The following RRP1 variants were observed in gnomAD, a reference collection of about 807,000 sequenced individuals.
RRP1 encodes the protein ribosomal RNA processing 1.
RRP1 carries 37 observed loss-of-function variants against 54.6 expected under a neutral mutation model. That is an observed-to-expected ratio of 0.68 (90% CI 0.52 to 0.89). The LOEUF is 0.89. Among genes scored for constraint, RRP1 ranks in the 40% least tolerant of loss-of-function variants. The pLI is 0.00. For synonymous variants in RRP1, 262 were observed against 244.3 expected, an observed-to-expected ratio of 1.07 and a Z score of -0.67; for missense variants, 639 against 612.5, an observed-to-expected ratio of 1.04 and a Z score of -0.46.
chr21:43,792,745 T>C lies in RRP1; in HGVS notation c.274+16T>C, dbSNP rs2073431. On this transcript the variant is annotated intron_variant, in intron 3 of 12. Transcript: ENST00000497547. ...ACGGAGGCGCGTGAGTATGCTCTGC[T>C]GTAGTTGGGTGCATTTGTAGATGTC... 109,043 of 1,613,212 alleles carry C rather than the reference T, an allele frequency of 0.068. 4,426 individuals are homozygous for C. Among genetic ancestry groups the C allele is most frequent in the South Asian group, 0.15 (13,268 of 91,034 alleles).
chr21:43,803,828 G>T lies in RRP1; in HGVS notation c.*54G>T. 2.0e-6 allele frequency: 3 copies of T among 1,497,172 alleles called. No individual in the cohort carries two copies. The highest frequency in any genetic ancestry group is 2.8e-5 in the African/African-American group (2 of 72,494). 92.7% of individuals were successfully genotyped at this position (1,497,172 alleles called of 1,614,324 possible). On this transcript the variant is annotated 3_prime_UTR_variant, in exon 13 of 13. Coordinates refer to ENST00000497547, the MANE Select transcript of RRP1 (RefSeq NM_003683.6). ...GGAGGCCAGGCCTCGCTTGCACCGC[G>T]GGACGAGGCTGACCGGGCTGTTCTG...
chr21:43,793,475 C>A, intron 4 of RRP1, 71 bp downstream of exon 4: 2 of 1,371,804 alleles, frequency 1.5e-6, no homozygotes, highest in Non-Finnish European at 1.0e-6. Context: ...GCGAGACAGG[C>A]GGCACCTGGG....
intron 8 of RRP1, 112 bp from the exon 9 acceptor site, chr21:43,799,458 G>C: frequency 8.8e-7 from 1 of 1,133,084 alleles, no homozygotes; most frequent in South Asian, 1.4e-5. Context: ...GGTGTTTCCC[G>C]CCTGTGCCCG....
At chr21:43,795,121 A>C in intron 4 of RRP1, 68 bp from the exon 5 acceptor site, 1 of 1,426,940 alleles carries the variant, frequency 7.0e-7, no homozygotes, top group Non-Finnish European at 9.9e-7. Flanking sequence ...ATGGTGGTAC[A>C]TGGGGATGGG....
In RRP1 at chr21:43,795,631, C is replaced by T. The variant is rs146486912; in HGVS notation, c.422+381C>T. 5.0e-4 allele frequency among the ~76,000 whole-genome samples: 76 copies of T among 152,312 alleles called. 1 individual carries two copies. Among genetic ancestry groups the T allele is most frequent in the African/African-American group, 1.8e-3 (74 of 41,554 alleles). On this transcript the variant is annotated intron_variant, in intron 5 of 12. Coordinates refer to ENST00000497547, the MANE Select transcript of RRP1 (RefSeq NM_003683.6). The stretch of plus-strand genomic sequence containing the variant: ...GGCGTGATCTTGGCTCAACTACAGC[C>T]TTGACCTCCCGGGCTCAAGTGATCC...
chr21:43,789,825 GCGGCGGC>G, intron 1 of RRP1, 63 bp downstream of exon 1: 1 of 1,426,310 alleles, frequency 7.0e-7, no homozygotes, highest in Non-Finnish European at 9.2e-7. Flanking sequence ...GGTGTGGGCG[GCGGCGGC>G]CGGAGCTGGG....
At position 43,792,424 on chromosome 21, in the gene RRP1, G is replaced by T. The variant is rs529059873; in HGVS notation, c.217-248G>T. On this transcript the variant is annotated intron_variant, in intron 2 of 12. Transcript: ENST00000497547. ...AGAGGGCAGTGCCTGCTGTGGTTGT[G>T]TGAGAGGCTGTTGACCCCAGCTGTC... 4.6e-5 allele frequency among the ~76,000 whole-genome samples: 7 copies of T among 152,332 alleles called. No homozygotes were observed. In the East Asian group the frequency reaches 9.6e-4, roughly 21 times the overall value.
rs866593435 is a variant in RRP1 at position 43,789,674 on chromosome 21, G to T, written c.45G>T (p.Gln15His). 1 of 1,574,696 alleles carries T rather than the reference G, an allele frequency of 6.4e-7. No individual in the cohort carries two copies. Among genetic ancestry groups the T allele is most frequent in the South Asian group, 1.2e-5 (1 of 86,270 alleles). ...VQLPPEIQLA[Q>H]RLAGNEQVTR... Reference sequence around the variant, plus strand: ...TCCCGCCTGAGATCCAGCTGGCTCAGCGCCTGGCGGGGAATGAGCAGGTGA... The same window carrying T: ...TCCCGCCTGAGATCCAGCTGGCTCATCGCCTGGCGGGGAATGAGCAGGTGA... Residue 15 changes from glutamine to histidine, a missense_variant, in exon 1 of 13, where the codon CAG becomes CAT. Transcript: ENST00000497547.
Position 43,803,708 on chromosome 21 carries a change from G to T in RRP1, c.1320G>T (p.Leu440=), listed in dbSNP as rs1156505928. The change falls in exon 13 of 13, where the codon CTG becomes CTT. Residue 440 remains leucine (L), a synonymous_variant. Transcript: ENST00000497547. ...ARQRRRTPRP[L]TSARAKAANV... ...AGAGAAGGAGGACACCTCGGCCCCT[G>T]ACCAGTGCCCGAGCAAAGGCGGCCA... The T allele has an allele frequency of 6.4e-7, 1 of 1,559,982 alleles. No homozygotes were observed. The highest frequency in any genetic ancestry group is 8.7e-7 in the Non-Finnish European group (1 of 1,152,162).
At chr21:43,801,556 C>T (rs530078351) in intron 11 of RRP1, among the ~76,000 whole-genome samples, 1 of 152,342 alleles carries the variant, frequency 6.6e-6, no homozygotes, top group East Asian at 1.9e-4. Flanking sequence ...TCACTGCAGC[C>T]TCGATCTCCT....
At chr21:43,803,256 ACTC>A (rs1169840108) in intron 12 of RRP1, among the ~76,000 whole-genome samples, 1 of 151,414 alleles carries the variant, frequency 6.6e-6, no homozygotes, top group Admixed American at 6.6e-5. Context: ...AGTCCTGCCT[ACTC>A]CTCTGTGCCT....
At chr21:43,803,359 C>T (rs923757788) in intron 12 of RRP1, among the ~76,000 whole-genome samples, 153 bp from the exon 13 acceptor site, 1 of 152,190 alleles carries the variant, frequency 6.6e-6, no homozygotes, top group Non-Finnish European at 1.5e-5. Flanking sequence ...TGGAGCTTGG[C>T]GCCCACACTG....
At position 43,803,861 on chromosome 21, in the gene RRP1, A is replaced by G. The variant is rs1601876966; in HGVS notation, c.*87A>G. 1.3e-5 allele frequency: 19 copies of G among 1,426,892 alleles called. No individual in the cohort carries two copies. The East Asian group carries it at 4.5e-4, about 34-fold the overall frequency. The allele number at this position is 1,426,892 out of a possible 1,614,324, so 88.4% of individuals were successfully genotyped here. On this transcript the variant is annotated 3_prime_UTR_variant, in exon 13 of 13. Coordinates refer to ENST00000497547, the MANE Select transcript of RRP1 (RefSeq NM_003683.6). ...GCTGACCGGGCTGTTCTGTAGACTC[A>G]GGACCGTGGCTCCAGAACTCCTGTG...
In RRP1 at chr21:43,803,908, C is replaced by A; in HGVS notation, c.*134C>A. 8.9e-7 allele frequency: 1 copy of A among 1,119,350 alleles called. No individual in the cohort carries two copies. The highest frequency in any genetic ancestry group is 1.2e-6 in the Non-Finnish European group (1 of 807,778). 69.3% of individuals were successfully genotyped at this position (1,119,350 alleles called of 1,614,324 possible). A position where few individuals can be genotyped will look rare whatever the true frequency, so the allele number is the denominator to read the frequency against. ...TGTGCCAGGCGGGAGGGAAGGGCGG[C>A]ACTGGAGAGATGGGCCCATCATTAG... On this transcript the variant is annotated 3_prime_UTR_variant, in exon 13 of 13. Coordinates refer to ENST00000497547, the MANE Select transcript of RRP1 (RefSeq NM_003683.6).
intron 11 of RRP1, among the ~76,000 whole-genome samples, chr21:43,801,440 G>A (rs772186297): frequency 6.6e-6 from 1 of 152,180 alleles, no homozygotes. Context: ...ATCCGCCAGC[G>A]GGCGCGTCAT....
chr21:43,804,026 A>C lies in RRP1; in HGVS notation c.*252A>C. On this transcript the variant is annotated 3_prime_UTR_variant, in exon 13 of 13. Coordinates refer to ENST00000497547, the MANE Select transcript of RRP1 (RefSeq NM_003683.6). This position sits in a 1 kb window ranked among gnomAD's most constrained non-coding sequence, Gnocchi z 4.3. Reference sequence around the variant, plus strand: ...AGAAGGTCAAACTCCGAAGACTGAAACTCTGCCTGCAGCAGGACTGGCCGC... The same window carrying C: ...AGAAGGTCAAACTCCGAAGACTGAACCTCTGCCTGCAGCAGGACTGGCCGC... 1 of 472,544 alleles carries C rather than the reference A, an allele frequency of 2.1e-6. No individual in the cohort carries two copies. The highest frequency in any genetic ancestry group is 3.7e-6 in the Non-Finnish European group (1 of 271,074). 29.3% of individuals were successfully genotyped at this position (472,544 alleles called of 1,614,324 possible).
chr21:43,799,147 A>G (rs1040915099), intron 8 of RRP1, among the ~76,000 whole-genome samples: 1 of 152,076 alleles, frequency 6.6e-6, no homozygotes, highest in Admixed American at 6.6e-5. Flanking sequence ...TAGCTCGAGC[A>G]CCCAGCCGAA....
chr21:43,797,877 C>T, intron 7 of RRP1, 30 bp from the exon 8 acceptor site: 1 of 1,600,816 alleles, frequency 6.2e-7, no homozygotes, highest in South Asian at 1.1e-5. Flanking sequence ...CATAACGGGC[C>T]TGCTCACCGG....
At chr21:43,797,347 C>G in intron 5 of RRP1, 75 bp from the exon 6 acceptor site, 1 of 1,537,280 alleles carries the variant, frequency 6.5e-7, no homozygotes, top group Non-Finnish European at 8.7e-7. Flanking sequence ...AGCGTGTAAC[C>G]ATGGGAGAGT....
Sources: gnomAD v4.1 joint callset for allele counts (sites outside exome capture counted in the v4.1 genomes callset) on GRCh38, gnomAD v4.1.1 for gene constraint, Gnocchi (gnomAD v3.1) non-coding constraint, MANE v1.5 for transcripts, NCBI Gene and HGNC (gene_info 2026-07-23, HGNC 2026-07-21) for gene names.